Variants in ZNF521 observed in about 807,000 individuals in gnomAD.
The protein encoded by ZNF521 is zinc finger protein 521.
Under a neutral mutation model 105.5 loss-of-function variants are expected in ZNF521, and 14 were observed. The ratio of observed to expected loss-of-function variants is 0.13; its 90% CI spans 0.09 to 0.21. The LOEUF is 0.21. Ranked by LOEUF, ZNF521 falls within the 10% of genes least tolerant of loss-of-function variation. The pLI, the probability that ZNF521 is intolerant of heterozygous loss-of-function variation, is 1.00. For missense variants in ZNF521, 1,233 were observed against 1,629.7 expected, an observed-to-expected ratio of 0.76 and a Z score of 4.19; for synonymous variants, 635 against 606.0, an observed-to-expected ratio of 1.05 and a Z score of -0.70.
intron 4 of ZNF521, among the ~76,000 whole-genome samples, chr18:25,211,198 C>A (rs2036172613): frequency 6.6e-6 from 1 of 152,186 alleles, no homozygotes; most frequent in Admixed American, 6.5e-5. Context: ...GTTTCAGGCT[C>A]AGAGCCTTTT....
intron 5 of ZNF521, among the ~76,000 whole-genome samples, chr18:25,128,097 C>G (rs1431946876): frequency 6.6e-6 from 1 of 151,788 alleles, no homozygotes; most frequent in African/African-American, 2.4e-5. Context: ...CAAATTGAAT[C>G]CAACAATACA....
At chr18:25,199,751 A>C (rs2035960828) in intron 4 of ZNF521, among the ~76,000 whole-genome samples, 1 of 152,094 alleles carries the variant, frequency 6.6e-6, no homozygotes, top group Non-Finnish European at 1.5e-5. Context: ...GATTAACCCC[A>C]TCTCCACTAT....
At chr18:25,204,446 A>C (rs1005512275) in intron 4 of ZNF521, among the ~76,000 whole-genome samples, 2 of 152,222 alleles carry the variant, frequency 1.3e-5, no homozygotes, top group Non-Finnish European at 2.9e-5. Context: ...ATTAAAAGCA[A>C]AACTCAGTGT....
Position 25,225,891 on chromosome 18 carries a change from T to C in ZNF521, c.2027A>G (p.Gln676Arg), listed in dbSNP as rs781137382. 1.2e-6 allele frequency: 2 copies of C among 1,614,022 alleles called. No homozygotes were observed. The highest frequency in any genetic ancestry group is 2.7e-5 in the African/African-American group (2 of 74,934). Reference protein sequence around the residue: ...CPQCNKEFPNQESLLKHVTIH... With the variant: ...CPQCNKEFPNRESLLKHVTIH... ...GGTAACATGCTTCAGCAAGGATTCTTGGTTGGGGAATTCCTTGTTGCACTG... is the reference window on the plus strand; with the variant it reads ...GGTAACATGCTTCAGCAAGGATTCTCGGTTGGGGAATTCCTTGTTGCACTG... Residue 676 changes from glutamine (Q) to arginine (R), a missense_variant, in exon 4 of 8, where the codon CAA (glutamine) becomes CGA (arginine). By Grantham distance (43) the Gln-to-Arg change is conservative. Around this residue, in one of 6 missense-constraint regions of ZNF521, gnomAD observed 614 missense variants for 751.5 expected, o/e 0.82. Coordinates refer to ENST00000361524, the MANE Select transcript of ZNF521 (RefSeq NM_015461.3). The surrounding 1 kb of genome is among the most constrained non-coding windows in gnomAD (Gnocchi z 5.6).
intron 3 of ZNF521, among the ~76,000 whole-genome samples, chr18:25,244,501 C>A (rs1907572344): frequency 6.6e-6 from 1 of 152,188 alleles, no homozygotes; most frequent in South Asian, 2.1e-4. Context: ...AGAAAAGGTG[C>A]TATTCCCAGT....
chr18:25,062,834 AG>A, intron 7 of ZNF521, 93 bp from the exon 8 acceptor site: 2 of 1,197,190 alleles, frequency 1.7e-6, no homozygotes, highest in South Asian at 2.9e-5. Context: ...CATCAGACCA[AG>A]CATATATACA....
intron 3 of ZNF521, among the ~76,000 whole-genome samples, chr18:25,240,307 C>T (rs543850576): frequency 7.3e-4 from 111 of 152,264 alleles, no homozygotes; most frequent in Non-Finnish European, 1.3e-3. Flanking sequence ...CAGACTCCTC[C>T]CCACTCTTAG....
intron 4 of ZNF521, 66 bp downstream of exon 4, chr18:25,224,279 G>A: frequency 5.0e-6 from 7 of 1,392,516 alleles, no homozygotes; most frequent in Non-Finnish European, 5.0e-6. Context: ...TGTGGAGAGT[G>A]TAAACATAAA....
Position 25,226,660 on chromosome 18 carries a change from C to T in ZNF521, c.1258G>A (p.Val420Ile), listed in dbSNP as rs530496166. 4.3e-6 allele frequency: 7 copies of T among 1,614,088 alleles called. No homozygotes were observed. The highest frequency in any genetic ancestry group is 5.9e-6 in the Non-Finnish European group (7 of 1,180,038). ...ATAGTTTTCAGGTGAATCTGCAGAA[C>T]TGCAAGACTTGAAAATAATTGTTTG... ...CNKQLFSSLA[V>I]LQIHLKTMHL... Residue 420 changes from valine (V) to isoleucine (I), a missense_variant, in exon 4 of 8, where the codon GTT becomes ATT. Val to Ile is a conservative substitution (Grantham distance 29, BLOSUM62 3). This residue lies in a region of ZNF521 where 380 missense variants were observed against 478.0 expected (regional missense o/e 0.80). Coordinates refer to ENST00000361524, the MANE Select transcript of ZNF521 (RefSeq NM_015461.3). The surrounding 1 kb of genome is among the most constrained non-coding windows in gnomAD (Gnocchi z 4.1).
intron 3 of ZNF521, among the ~76,000 whole-genome samples, chr18:25,283,398 C>T (rs1910503047): frequency 6.6e-6 from 1 of 152,202 alleles, no homozygotes; most frequent in African/African-American, 2.4e-5. Context: ...GGGCTCTTCC[C>T]TGGTCTCTGG....
chr18:25,070,468 C>T (rs1458119705), intron 7 of ZNF521, among the ~76,000 whole-genome samples: 1 of 152,120 alleles, frequency 6.6e-6, no homozygotes, highest in Non-Finnish European at 1.5e-5. Context: ...AGAAGACCAT[C>T]CAGTACACCA....
intron 3 of ZNF521, among the ~76,000 whole-genome samples, chr18:25,242,829 TG>T (rs1246370762): frequency 6.6e-6 from 1 of 152,104 alleles, no homozygotes; most frequent in Non-Finnish European, 1.5e-5. Context: ...TTAGAGGGGT[TG>T]GGGAATGTCA....
chr18:25,351,152 ACGG>A (rs551517292), intron 1 of ZNF521: 25 of 155,050 alleles, frequency 1.6e-4, no homozygotes, highest in Non-Finnish European at 2.7e-4. Flanking sequence ...GCTCTGCACG[ACGG>A]CGGCGGCGGC....
At chr18:25,075,933 C>T (rs972826716) in intron 7 of ZNF521, among the ~76,000 whole-genome samples, 1 of 152,210 alleles carries the variant, frequency 6.6e-6, no homozygotes, top group African/African-American at 2.4e-5. Context: ...CACATCATTT[C>T]ATGCTGAACT....
intron 5 of ZNF521, among the ~76,000 whole-genome samples, chr18:25,104,247 G>A (rs2034027277): frequency 6.6e-6 from 1 of 152,194 alleles, no homozygotes; most frequent in South Asian, 2.1e-4. Context: ...TGTATACTAT[G>A]TCAATATAAA....
intron 6 of ZNF521, 102 bp from the exon 7 acceptor site, chr18:25,089,682 C>A: frequency 1.2e-6 from 1 of 856,192 alleles, no homozygotes; most frequent in Admixed American, 2.0e-5. Context: ...AGCACGCCTC[C>A]CAGGTGTGAC....
chr18:25,130,130 T>C (rs183877226), intron 5 of ZNF521, among the ~76,000 whole-genome samples: 9 of 152,284 alleles, frequency 5.9e-5, no homozygotes, highest in Non-Finnish European at 1.2e-4. Flanking sequence ...AAGTGTGGTA[T>C]GCCAATTTAA....
intron 3 of ZNF521, among the ~76,000 whole-genome samples, chr18:25,236,408 C>T (rs962306434): frequency 1.3e-5 from 2 of 151,980 alleles, no homozygotes; most frequent in East Asian, 1.9e-4. Flanking sequence ...TGGTGGCATG[C>T]GTCTGTAGTA....
At chr18:25,082,419 A>C (rs556585794) in intron 7 of ZNF521, among the ~76,000 whole-genome samples, 1 of 152,292 alleles carries the variant, frequency 6.6e-6, no homozygotes, top group South Asian at 2.1e-4. Context: ...TAGGACCCGG[A>C]TATGCCAGAT....
Sources: allele counts gnomAD v4.1 joint callset (sites outside exome capture counted in the v4.1 genomes callset), GRCh38; gene constraint gnomAD v4.1.1; regional missense constraint gnomAD v4.1.1; non-coding constraint Gnocchi (gnomAD v3.1); transcripts MANE v1.5; gene names NCBI Gene and HGNC (gene_info 2026-07-23, HGNC 2026-07-21).